Variants in GMDS observed in about 807,000 individuals in gnomAD.
GMDS encodes GDP-mannose 4,6-dehydratase.
In GMDS, 20 loss-of-function variants were observed where a neutral mutation model predicts 49.9. That is an observed-to-expected ratio of 0.40 (90% CI 0.28 to 0.58). The LOEUF is 0.58. GMDS is among the 20% of genes least tolerant of loss of function. The pLI is 0.42. For missense variants in GMDS, 362 were observed against 481.4 expected (o/e 0.75, Z 2.32); for synonymous variants, 177 against 178.6 (o/e 0.99, Z 0.07).
chr6:1,905,999 G>A (rs1020417310), intron 7 of GMDS, among the ~76,000 whole-genome samples: 3 of 151,924 alleles, frequency 2.0e-5, no homozygotes, highest in South Asian at 2.1e-4. Flanking sequence ...AGTACCCACC[G>A]AGACTTTCTT....
At chr6:2,231,460 G>A (rs1397789930) in intron 1 of GMDS, among the ~76,000 whole-genome samples, 1 of 152,096 alleles carries the variant, frequency 6.6e-6, no homozygotes, top group Non-Finnish European at 1.5e-5. Flanking sequence ...GGTACTCAGG[G>A]GGCTGAGGTG....
chr6:2,231,507 T>C (rs1781109922), intron 1 of GMDS, among the ~76,000 whole-genome samples: 1 of 152,090 alleles, frequency 6.6e-6, no homozygotes, highest in African/African-American at 2.4e-5. Flanking sequence ...GAGGTTGCAG[T>C]GAGCTGAGAT....
chr6:2,103,218 A>T (rs1309185634), intron 4 of GMDS, among the ~76,000 whole-genome samples: 1 of 152,246 alleles, frequency 6.6e-6, no homozygotes, highest in African/African-American at 2.4e-5. Context: ...CAGCTAGAGG[A>T]TGAATGGCAA....
At chr6:2,211,587 G>A (rs1417445183) in intron 1 of GMDS, among the ~76,000 whole-genome samples, 1 of 151,766 alleles carries the variant, frequency 6.6e-6, no homozygotes, top group Non-Finnish European at 1.5e-5. Context: ...GCTCAAATAG[G>A]TCTATTTGAA....
At chr6:1,877,226 T>C (rs146909675) in intron 7 of GMDS, among the ~76,000 whole-genome samples, 1 of 152,200 alleles carries the variant, frequency 6.6e-6, no homozygotes, top group Non-Finnish European at 1.5e-5. Context: ...GTGGAAAATA[T>C]AAAAGAGGCC....
At chr6:1,871,719 A>G (rs1413517886) in intron 7 of GMDS, among the ~76,000 whole-genome samples, 1 of 152,258 alleles carries the variant, frequency 6.6e-6, no homozygotes, top group African/African-American at 2.4e-5. Flanking sequence ...TAGTAAGGAA[A>G]GCCAATTATG....
intron 7 of GMDS, among the ~76,000 whole-genome samples, chr6:1,753,211 CA>C (rs1434280461): frequency 1.3e-5 from 2 of 150,008 alleles, no homozygotes; most frequent in Non-Finnish European, 3.0e-5. Context: ...AAATGGAAAG[CA>C]AAAAAGAAAA....
rs552871846 is a variant in GMDS at position 1,811,610 on chromosome 6, C to T, written c.772-69024G>A. ...CTTCACAATGCTTTCTGGAGACTTA[C>T]GGGAAAGAGGTGTCTTGCTTCCTGT... On this transcript the variant is annotated intron_variant, in intron 7 of 10. Transcript: ENST00000380815. 2.9e-4 allele frequency among the ~76,000 whole-genome samples: 40 copies of T among 136,190 alleles called. No homozygotes were observed. In the East Asian group the frequency reaches 6.1e-3, roughly 21 times the overall value. 89.3% of individuals were successfully genotyped at this position (136,190 alleles called of 152,430 possible).
At chr6:1,958,172 T>C (rs560254213) in intron 6 of GMDS, among the ~76,000 whole-genome samples, 1 of 151,936 alleles carries the variant, frequency 6.6e-6, no homozygotes, top group Admixed American at 6.6e-5. Flanking sequence ...AAAAATAAGT[T>C]CTCATTAGGA....
At chr6:1,905,984 T>C (rs1029078879) in intron 7 of GMDS, among the ~76,000 whole-genome samples, 4 of 151,470 alleles carry the variant, frequency 2.6e-5, no homozygotes, top group African/African-American at 7.3e-5. Context: ...CAAATGGAAA[T>C]GGAAAGTACC....
chr6:1,997,256 T>G (rs1346184923), intron 4 of GMDS, among the ~76,000 whole-genome samples: 1 of 152,024 alleles, frequency 6.6e-6, no homozygotes, highest in Non-Finnish European at 1.5e-5. Flanking sequence ...ATGCCTGTAA[T>G]CACAGCACTT....
intron 9 of GMDS, among the ~76,000 whole-genome samples, chr6:1,639,910 C>T (rs1212965572): frequency 1.3e-5 from 2 of 152,192 alleles, no homozygotes; most frequent in Non-Finnish European, 1.5e-5. Context: ...AAACACAGAT[C>T]CAAGCTGAAT....
intron 7 of GMDS, among the ~76,000 whole-genome samples, chr6:1,908,716 G>T (rs986157720): frequency 5.3e-5 from 8 of 152,228 alleles, no homozygotes; most frequent in African/African-American, 1.9e-4. Context: ...GATTCCAAGA[G>T]AGGTGAGAGG....
rs1779008911 is a variant in GMDS, at chr6:2,191,352, C to T, written c.102+53969G>A. ...TGATGTCCCTGGACACCAGCCCAGGCCCAGCAAGGACCTAGAGCCCCCAGG... is the reference window on the plus strand; with the variant it reads ...TGATGTCCCTGGACACCAGCCCAGGTCCAGCAAGGACCTAGAGCCCCCAGG... On this transcript the variant is annotated intron_variant, in intron 1 of 10. Transcript: ENST00000380815. The surrounding 1 kb of genome is among the most constrained non-coding windows in gnomAD (Gnocchi z 4.6). Among the ~76,000 whole-genome samples, 6 of 152,262 alleles carry T rather than the reference C, an allele frequency of 3.9e-5. No individual in the cohort carries two copies. In the South Asian group the frequency reaches 1.0e-3, roughly 26 times the overall value.
chr6:2,195,813 T>G (rs1779253456), intron 1 of GMDS, among the ~76,000 whole-genome samples: 2 of 147,874 alleles, frequency 1.4e-5, no homozygotes, highest in African/African-American at 4.9e-5. Flanking sequence ...AAAGACCTTG[T>G]CTCTACCAAA....
chr6:1,971,404 T>G (rs889104905), intron 4 of GMDS, among the ~76,000 whole-genome samples: 2 of 152,234 alleles, frequency 1.3e-5, no homozygotes, highest in African/African-American at 4.8e-5. Context: ...TCTTCAAAAA[T>G]GTTTATAATT....
chr6:2,128,360 G>C (rs895114741), intron 1 of GMDS, among the ~76,000 whole-genome samples: 15 of 151,932 alleles, frequency 9.9e-5, no homozygotes, highest in African/African-American at 3.6e-4. Context: ...ATTTTTAGTA[G>C]AGACAGGTTT....
intron 4 of GMDS, among the ~76,000 whole-genome samples, chr6:2,008,825 CT>C (rs5873827): frequency 0.21 from 31,370 of 152,078 alleles, 3,580 homozygotes; most frequent in Non-Finnish European, 0.24. Context: ...CAGCACTGAT[CT>C]TAGTTTGTTA....
chr6:2,082,035 T>G (rs1471572703), intron 4 of GMDS, among the ~76,000 whole-genome samples: 8 of 152,190 alleles, frequency 5.3e-5, no homozygotes. Context: ...AATACCCTCA[T>G]TGTTCTTACA....
Sources: allele counts gnomAD v4.1 joint callset (sites outside exome capture counted in the v4.1 genomes callset), GRCh38; gene constraint gnomAD v4.1.1; non-coding constraint Gnocchi (gnomAD v3.1); transcripts MANE v1.5; gene names NCBI Gene and HGNC (gene_info 2026-07-23, HGNC 2026-07-21).